The following STMN2 variants were observed in gnomAD, a reference collection of about 807,000 sequenced individuals.
STMN2 encodes stathmin 2, also known as stathmin-2.
In STMN2, 2 loss-of-function variants were observed where a neutral mutation model predicts 24.1. The ratio of observed to expected loss-of-function variants is 0.08; its 90% confidence interval spans 0.03 to 0.26. The LOEUF is 0.26. Among genes scored for constraint, STMN2 ranks in the 10% least tolerant of loss-of-function variants. The probability of loss-of-function intolerance (pLI) is 1.00; values close to 1 mark genes in which losing one functional copy is unlikely to be tolerated. For missense variants in STMN2, 114 were observed against 213.6 expected (o/e 0.53, Z 2.91); for synonymous variants, 83 against 77.5 (o/e 1.07, Z -0.37).
At chr8:79,663,915 C>G (rs1181307631) in intron 4 of STMN2, among the ~76,000 whole-genome samples, 1 of 152,116 alleles carries the variant, frequency 6.6e-6, no homozygotes, top group Non-Finnish European at 1.5e-5. Context: ...ACCTTGGTTC[C>G]TTATGTAAAT....
At chr8:79,625,051 A>G (rs767186668) in intron 1 of STMN2, among the ~76,000 whole-genome samples, 1 of 152,200 alleles carries the variant, frequency 6.6e-6, no homozygotes, top group South Asian at 2.1e-4. Flanking sequence ...GAAGCCATGG[A>G]AAGTTGAGTG....
At chr8:79,664,673 C>A in intron 4 of STMN2, 142 bp from the exon 5 acceptor site, 1 of 522,242 alleles carries the variant, frequency 1.9e-6, no homozygotes, top group Middle Eastern at 4.3e-4. Context: ...TGACATTTTG[C>A]AGGGCCCATA....
intron 2 of STMN2, among the ~76,000 whole-genome samples, chr8:79,637,168 C>T (rs1030800551): frequency 6.6e-6 from 1 of 152,160 alleles, no homozygotes; most frequent in African/African-American, 2.4e-5. Context: ...CACAATATGT[C>T]TAAGGTCTTT....
chr8:79,622,452 C>T lies in STMN2; in HGVS notation c.19+11238C>T, dbSNP rs547849481. ...TTACTTGGAATTGAGGAAATGATTACTGCTTAATAATTCTTTGTGGTAGAG... is the reference window on the plus strand; with the variant it reads ...TTACTTGGAATTGAGGAAATGATTATTGCTTAATAATTCTTTGTGGTAGAG... On this transcript the variant is annotated intron_variant, in intron 1 of 4. Transcript: ENST00000220876. Among the ~76,000 whole-genome samples, 21 of 152,244 alleles carry T rather than the reference C, an allele frequency of 1.4e-4. No homozygotes were observed. In the East Asian group the frequency reaches 3.9e-3, roughly 28 times the overall value.
chr8:79,638,398 T>G (rs1295282759), intron 2 of STMN2, among the ~76,000 whole-genome samples: 1 of 152,222 alleles, frequency 6.6e-6, no homozygotes, highest in African/African-American at 2.4e-5. Flanking sequence ...TTATAATCCT[T>G]TTCCATAGGC....
At chr8:79,625,288 T>G (rs1809626167) in intron 1 of STMN2, among the ~76,000 whole-genome samples, 1 of 152,238 alleles carries the variant, frequency 6.6e-6, no homozygotes, top group Non-Finnish European at 1.5e-5. Flanking sequence ...TCACTTACTT[T>G]CCCTTTCTTC....
chr8:79,653,283 A>G (rs936458287), intron 3 of STMN2, among the ~76,000 whole-genome samples: 7 of 152,196 alleles, frequency 4.6e-5, no homozygotes, highest in Non-Finnish European at 1.0e-4. Context: ...AAGCTGAGAC[A>G]TGAGAATCGC....
intron 1 of STMN2, among the ~76,000 whole-genome samples, chr8:79,614,226 A>G (rs767706282): frequency 5.9e-5 from 9 of 152,274 alleles, no homozygotes; most frequent in Non-Finnish European, 1.0e-4. Flanking sequence ...CAGTATTAAA[A>G]TAATAGATTT....
At chr8:79,639,767 A>G (rs1342490255) in intron 2 of STMN2, among the ~76,000 whole-genome samples, 1 of 152,216 alleles carries the variant, frequency 6.6e-6, no homozygotes, top group Non-Finnish European at 1.5e-5. Flanking sequence ...TACATTAGAG[A>G]ATGGCTAAGT....
chr8:79,647,530 G>C (rs1810243941), intron 3 of STMN2, among the ~76,000 whole-genome samples: 1 of 152,140 alleles, frequency 6.6e-6, no homozygotes, highest in South Asian at 2.1e-4. Flanking sequence ...TCGCCACTTG[G>C]GCTCAGATTC....
intron 3 of STMN2, among the ~76,000 whole-genome samples, chr8:79,652,756 T>C (rs1585907059): frequency 1.3e-5 from 2 of 152,164 alleles, no homozygotes; most frequent in South Asian, 2.1e-4. Flanking sequence ...ATGAGATAGG[T>C]ACTATTCTTA....
chr8:79,656,661 A>T (rs541159939), intron 4 of STMN2, among the ~76,000 whole-genome samples: 40 of 152,290 alleles, frequency 2.6e-4, no homozygotes, highest in Middle Eastern at 6.8e-3. Flanking sequence ...GCAGAGGGCC[A>T]CTGTGTGATC....
chr8:79,628,255 C>T (rs1178651457), intron 1 of STMN2, among the ~76,000 whole-genome samples: 1 of 151,998 alleles, frequency 6.6e-6, no homozygotes, highest in African/African-American at 2.4e-5. Context: ...TCTCTGCCTC[C>T]TGGGTTCAAG....
In STMN2 at chr8:79,635,936, G is replaced by A. The variant is rs145357560; in HGVS notation, c.20-866G>A. Among the ~76,000 whole-genome samples the A allele has an allele frequency of 7.4e-3, 1,131 of 152,176 alleles. 13 individuals are homozygous for A. Among genetic ancestry groups the A allele is most frequent in the Non-Finnish European group, 9.6e-3 (652 of 68,002 alleles). ...AAAAAAAAAAGAAAGAAAGAAAGAGGCTGGAAATAGAGGCTCACACCTGTA... is the reference window on the plus strand; with the variant it reads ...AAAAAAAAAAGAAAGAAAGAAAGAGACTGGAAATAGAGGCTCACACCTGTA... On this transcript the variant is annotated intron_variant, in intron 1 of 4. Coordinates refer to ENST00000220876, the MANE Select transcript of STMN2 (RefSeq NM_007029.4).
At chr8:79,636,661 A>G in intron 1 of STMN2, 141 bp from the exon 2 acceptor site, 1 of 733,818 alleles carries the variant, frequency 1.4e-6, no homozygotes, top group Middle Eastern at 3.4e-4. Flanking sequence ...GCATTCCTTT[A>G]TATTTAGTGA....
At chr8:79,643,149 GTATATA>G (rs201477262) in intron 3 of STMN2, among the ~76,000 whole-genome samples, 1 of 140,108 alleles carries the variant, frequency 7.1e-6, no homozygotes, top group African/African-American at 2.6e-5. Flanking sequence ...ATGTGTGTGT[GTATATA>G]TATATATATA....
At chr8:79,661,194 G>A (rs1164737339) in intron 4 of STMN2, among the ~76,000 whole-genome samples, 1 of 152,074 alleles carries the variant, frequency 6.6e-6, no homozygotes, top group Non-Finnish European at 1.5e-5. Context: ...TCAAATGATA[G>A]TTCTACTTTC....
At chr8:79,651,178 G>A (rs1182874981) in intron 3 of STMN2, among the ~76,000 whole-genome samples, 3 of 152,186 alleles carry the variant, frequency 2.0e-5, no homozygotes, top group African/African-American at 4.8e-5. Context: ...ACAGAAGTGA[G>A]CAGCCCTGAA....
rs533200908 is a variant in STMN2 at position 79,625,626 on chromosome 8, A to G, written c.20-11176A>G. 9.8e-5 allele frequency among the ~76,000 whole-genome samples: 15 copies of G among 152,374 alleles called. No individual in the cohort carries two copies. The South Asian group carries it at 2.9e-3, about 29-fold the overall frequency. On this transcript the variant is annotated intron_variant, in intron 1 of 4. Transcript: ENST00000220876. ...AAATAAGGCTCCACAACACTTGGCT[A>G]TAGCAAAGCCCCTTAAAACTTCAAA...
Sources: allele counts gnomAD v4.1 joint callset (sites outside exome capture counted in the v4.1 genomes callset), GRCh38; gene constraint gnomAD v4.1.1; transcripts MANE v1.5; gene names NCBI Gene and HGNC (gene_info 2026-07-23, HGNC 2026-07-21).